The following TANGO6 variants were observed in gnomAD, a reference collection of about 807,000 sequenced individuals.
TANGO6 encodes the protein transport and Golgi organization protein 6 homolog.
In TANGO6, 90 loss-of-function variants were observed where a neutral mutation model predicts 114.2. That is an observed-to-expected ratio of 0.79 (90% CI 0.66 to 0.94). The LOEUF (loss-of-function observed/expected upper bound fraction) is 0.94, where lower values mean the gene tolerates loss of function less well. Ranked by LOEUF, TANGO6 falls within the 40% of genes least tolerant of loss-of-function variation. The pLI is 0.00. For missense variants in TANGO6, 1,274 were observed against 1,315.3 expected, an observed-to-expected ratio of 0.97 and a Z score of 0.49; for synonymous variants, 477 against 509.8, an observed-to-expected ratio of 0.94 and a Z score of 0.87.
Position 68,860,117 on chromosome 16 carries a change from A to G in TANGO6, c.328A>G (p.Ile110Val). 6.2e-7 allele frequency: 1 copy of G among 1,613,948 alleles called. No individual in the cohort carries two copies. Among genetic ancestry groups the G allele is most frequent in the Non-Finnish European group, 8.5e-7 (1 of 1,179,894 alleles). The change falls in exon 2 of 18, where the codon ATC (isoleucine) becomes GTC (valine). Residue 110 changes from isoleucine (I) to valine (V), a missense_variant. Around this residue, in one of 5 missense-constraint regions of TANGO6, gnomAD observed 908 missense variants for 910.2 expected, o/e 1.00. Transcript: ENST00000261778. Reference sequence around the variant, plus strand: ...GCTTTTGTGCTTGAAGGAAACCATGATCCGCCTTGCAGCTAATTTCAATCC... The same window carrying G: ...GCTTTTGTGCTTGAAGGAAACCATGGTCCGCCTTGCAGCTAATTTCAATCC... ...LLLLCLKETMIRLAANFNPGK... is the reference protein window; with the variant it reads ...LLLLCLKETMVRLAANFNPGK...
chr16:69,015,464 TTTTATTTATTTA>T (rs60863406), intron 15 of TANGO6, among the ~76,000 whole-genome samples: 9 of 143,866 alleles, frequency 6.3e-5, no homozygotes, highest in Non-Finnish European at 9.1e-5. Context: ...GCTCATTTTA[TTTTATTTATTTA>T]TTTATTTATT....
intron 17 of TANGO6, among the ~76,000 whole-genome samples, chr16:69,061,876 G>A (rs1168799998): frequency 6.6e-6 from 1 of 151,980 alleles, no homozygotes; most frequent in African/African-American, 2.4e-5. Flanking sequence ...AAAATTAGCC[G>A]GGCATGGTGG....
intron 8 of TANGO6, among the ~76,000 whole-genome samples, chr16:68,900,827 G>A (rs897669768): frequency 5.9e-5 from 9 of 152,092 alleles, no homozygotes; most frequent in African/African-American, 2.2e-4. Context: ...GCCACTTTTC[G>A]ATCAGTGAGA....
chr16:69,064,538 C>G (rs1449184542), intron 17 of TANGO6, among the ~76,000 whole-genome samples: 2 of 152,182 alleles, frequency 1.3e-5, no homozygotes, highest in East Asian at 3.9e-4. Context: ...AAATAAACAA[C>G]TTTTGATGGT....
intron 14 of TANGO6, among the ~76,000 whole-genome samples, chr16:68,965,046 T>C (rs1567549527): frequency 6.6e-6 from 1 of 152,250 alleles, no homozygotes; most frequent in East Asian, 1.9e-4. Context: ...GATAGATTTC[T>C]AGAGTAGAAT....
At chr16:68,869,623 C>A (rs1289121685) in intron 4 of TANGO6, among the ~76,000 whole-genome samples, 1 of 152,198 alleles carries the variant, frequency 6.6e-6, no homozygotes, top group East Asian at 1.9e-4. Flanking sequence ...TCACTTTTAT[C>A]CTGGTGAACA....
At chr16:69,032,139 C>G (rs1959604424) in intron 16 of TANGO6, among the ~76,000 whole-genome samples, 1 of 152,084 alleles carries the variant, frequency 6.6e-6, no homozygotes, top group South Asian at 2.1e-4. Flanking sequence ...GAGTTGGCAC[C>G]AGAAAGGCAG....
chr16:69,039,617 CAG>C (rs1291056850), intron 16 of TANGO6, among the ~76,000 whole-genome samples: 1 of 152,068 alleles, frequency 6.6e-6, no homozygotes, highest in Non-Finnish European at 1.5e-5. Context: ...GCCTGGGTGA[CAG>C]AGTGAGACCC....
chr16:69,028,537 G>C (rs753094353), intron 16 of TANGO6, among the ~76,000 whole-genome samples: 1 of 152,036 alleles, frequency 6.6e-6, no homozygotes, highest in Non-Finnish European at 1.5e-5. Flanking sequence ...GGAGGCTGTG[G>C]CAGGAGAATC....
At chr16:69,015,749 G>C (rs529718844) in intron 15 of TANGO6, among the ~76,000 whole-genome samples, 1 of 152,086 alleles carries the variant, frequency 6.6e-6, no homozygotes, top group Admixed American at 6.6e-5. Context: ...CAAAGTGCTG[G>C]GATTACAGGC....
intron 15 of TANGO6, among the ~76,000 whole-genome samples, chr16:68,976,916 G>A (rs1013644804): frequency 6.6e-6 from 1 of 152,166 alleles, no homozygotes; most frequent in South Asian, 2.1e-4. Context: ...TGGCTTTTTA[G>A]TAATTCCATT....
chr16:68,867,401 A>G, intron 4 of TANGO6, 181 bp downstream of exon 4: 1 of 666,320 alleles, frequency 1.5e-6, no homozygotes, highest in South Asian at 2.1e-5. Flanking sequence ...AAAGAAACTA[A>G]TTCTCTTGCT....
intron 4 of TANGO6, among the ~76,000 whole-genome samples, chr16:68,870,778 T>C (rs1353396568): frequency 6.6e-6 from 1 of 151,882 alleles, no homozygotes; most frequent in Non-Finnish European, 1.5e-5. Flanking sequence ...TTTCTTTTAG[T>C]GTAGGTCTAC....
intron 14 of TANGO6, among the ~76,000 whole-genome samples, chr16:68,968,551 A>AG (rs892286419): frequency 2.1e-4 from 31 of 150,582 alleles, no homozygotes; most frequent in Admixed American, 2.7e-4. Context: ...TTTAGTAGAG[A>AG]GGGGGGTTTC....
intron 16 of TANGO6, among the ~76,000 whole-genome samples, chr16:69,037,959 A>G (rs562755886): frequency 8.5e-5 from 13 of 152,358 alleles, no homozygotes; most frequent in Admixed American, 8.5e-4. Flanking sequence ...TACAACCTGT[A>G]TAGTTAAAAT....
chr16:69,084,733 T>C lies in TANGO6; in HGVS notation c.*1072T>C, dbSNP rs1960513171. 6.6e-6 allele frequency: 1 copy of C among 152,370 alleles called. No individual in the cohort carries two copies. Among genetic ancestry groups the C allele is most frequent in the Non-Finnish European group, 1.5e-5 (1 of 68,040 alleles). The allele number at this position is 152,370 out of a possible 1,614,324, so 9.4% of individuals were successfully genotyped here. A position where few individuals can be genotyped will look rare whatever the true frequency, so the allele number is the denominator to read the frequency against. On this transcript the variant is annotated 3_prime_UTR_variant, in exon 18 of 18. Transcript: ENST00000261778. ...AGAGATGCTTGATCAGTCCTCAGCT[T>C]TGCAGGGCTAGGTACAGAATTTTAT...
At chr16:69,060,080 G>A (rs536606071) in intron 17 of TANGO6, among the ~76,000 whole-genome samples, 2 of 152,128 alleles carry the variant, frequency 1.3e-5, no homozygotes, top group East Asian at 1.9e-4. Context: ...CTTATGCCTC[G>A]AATGCCTTCC....
chr16:69,057,733 C>T (rs1172089684), intron 17 of TANGO6, among the ~76,000 whole-genome samples: 1 of 152,172 alleles, frequency 6.6e-6, no homozygotes, highest in Non-Finnish European at 1.5e-5. Flanking sequence ...GTATTTACTG[C>T]TAGCCCAGGA....
chr16:69,063,668 A>C (rs10454704), intron 17 of TANGO6, among the ~76,000 whole-genome samples: 6,699 of 146,974 alleles, frequency 0.046, 584 homozygotes, highest in African/African-American at 0.16. Context: ...AAAAAAAAAA[A>C]AACAAAGTTC....
Sources: allele counts gnomAD v4.1 joint callset (sites outside exome capture counted in the v4.1 genomes callset), GRCh38; gene constraint gnomAD v4.1.1; regional missense constraint gnomAD v4.1.1; transcripts MANE v1.5; gene names NCBI Gene and HGNC (gene_info 2026-07-23, HGNC 2026-07-21).